The following TDRD7 variants were observed in gnomAD, a reference collection of about 807,000 sequenced individuals.
The protein encoded by TDRD7 is tudor domain containing 7.
Under a neutral mutation model 109.8 loss-of-function variants are expected in TDRD7, and 47 were observed. The ratio of observed to expected loss-of-function variants is 0.43; its 90% confidence interval spans 0.34 to 0.55. TDRD7 has a LOEUF of 0.55. Ranked by LOEUF, TDRD7 falls within the 20% of genes least tolerant of loss-of-function variation. The pLI, the probability that TDRD7 is intolerant of heterozygous loss-of-function variation, is 0.03. For missense variants in TDRD7, 1,164 were observed against 1,319.2 expected (o/e 0.88, Z 1.82); for synonymous variants, 424 against 457.3 (o/e 0.93, Z 0.93).
At chr9:97,414,481 T>C (rs1827779650) in intron 1 of TDRD7, among the ~76,000 whole-genome samples, 1 of 152,224 alleles carries the variant, frequency 6.6e-6, no homozygotes, top group East Asian at 1.9e-4. Flanking sequence ...CCCACCTTTC[T>C]TATCTTCCTT....
intron 16 of TDRD7, among the ~76,000 whole-genome samples, chr9:97,494,894 A>G (rs941741736): frequency 1.3e-5 from 2 of 151,766 alleles, no homozygotes; most frequent in Non-Finnish European, 1.5e-5. Context: ...TATTTTTTGT[A>G]GAGACAGGGC....
chr9:97,456,884 C>G lies in TDRD7; in HGVS notation c.856-3294C>G, dbSNP rs557955342. ...GCTATCATCAGAGTGAACAGGCACC[C>G]TACAGAATGGGAGAAAATTTTTGCA... On this transcript the variant is annotated intron_variant, in intron 6 of 16. Coordinates refer to ENST00000355295, the MANE Select transcript of TDRD7 (RefSeq NM_014290.3). Among the ~76,000 whole-genome samples the G allele has an allele frequency of 9.9e-5, 15 of 152,230 alleles. 1 individual carries two copies. Among genetic ancestry groups the G allele is most frequent in the African/African-American group, 3.6e-4 (15 of 41,544 alleles).
intron 4 of TDRD7, among the ~76,000 whole-genome samples, 196 bp from the exon 5 acceptor site, chr9:97,439,049 C>G (rs1009022732): frequency 1.2e-4 from 18 of 152,062 alleles, no homozygotes; most frequent in African/African-American, 4.1e-4. Context: ...TTTTAACATA[C>G]TTTTCTCTGA....
intron 8 of TDRD7, among the ~76,000 whole-genome samples, chr9:97,468,116 A>G (rs761016378): frequency 6.6e-6 from 1 of 152,258 alleles, no homozygotes; most frequent in African/African-American, 2.4e-5. Flanking sequence ...TTTGGAGCTC[A>G]GGGAGCAGTT....
chr9:97,428,383 G>A (rs1470093911), intron 1 of TDRD7, 77 bp from the exon 2 acceptor site: 4 of 1,410,210 alleles, frequency 2.8e-6, no homozygotes, highest in Non-Finnish European at 4.0e-6. Flanking sequence ...AAAGTAACAA[G>A]TTTCAGCTCT....
At chr9:97,454,578 G>C (rs923574317) in intron 6 of TDRD7, among the ~76,000 whole-genome samples, 4 of 152,190 alleles carry the variant, frequency 2.6e-5, no homozygotes, top group African/African-American at 9.7e-5. Flanking sequence ...ACCTGCTCCT[G>C]AATGACTCCT....
At chr9:97,424,873 A>AT (rs887952335) in intron 1 of TDRD7, among the ~76,000 whole-genome samples, 12 of 149,928 alleles carry the variant, frequency 8.0e-5, no homozygotes, top group Admixed American at 1.3e-4. Flanking sequence ...TTCCTGTCTA[A>AT]TTTTTTTTAA....
chr9:97,436,963 T>C (rs1485828608), intron 4 of TDRD7, among the ~76,000 whole-genome samples: 8 of 152,194 alleles, frequency 5.3e-5, no homozygotes, highest in Admixed American at 5.2e-4. Flanking sequence ...TAATAAGTGC[T>C]AATAACCTTT....
At chr9:97,479,421 C>T (rs1829078005) in intron 13 of TDRD7, among the ~76,000 whole-genome samples, 1 of 152,170 alleles carries the variant, frequency 6.6e-6, no homozygotes, top group African/African-American at 2.4e-5. Context: ...GTTGGAACAG[C>T]CATGCAGGGC....
At chr9:97,455,475 C>T (rs1828588234) in intron 6 of TDRD7, among the ~76,000 whole-genome samples, 1 of 152,186 alleles carries the variant, frequency 6.6e-6, no homozygotes, top group African/African-American at 2.4e-5. Context: ...ACTTATCCAC[C>T]ATGATCAAGT....
chr9:97,475,571 A>G, intron 12 of TDRD7, 102 bp downstream of exon 12: 2 of 836,612 alleles, frequency 2.4e-6, no homozygotes, highest in Non-Finnish European at 4.0e-6. Flanking sequence ...TCACAGACTC[A>G]TCATCAGTTT....
chr9:97,440,102 TATG>T (rs1453484948), intron 5 of TDRD7, among the ~76,000 whole-genome samples: 5 of 152,208 alleles, frequency 3.3e-5, no homozygotes, highest in African/African-American at 1.2e-4. Context: ...AATTGAACAA[TATG>T]ATTTTTGTTT....
At chr9:97,427,246 C>CT (rs915232706) in intron 1 of TDRD7, among the ~76,000 whole-genome samples, 4 of 151,374 alleles carry the variant, frequency 2.6e-5, no homozygotes, top group Admixed American at 1.3e-4. Flanking sequence ...CTGAATTTGT[C>CT]TTTTTTTTTC....
intron 1 of TDRD7, among the ~76,000 whole-genome samples, chr9:97,413,229 C>T (rs754218373): frequency 3.3e-5 from 5 of 152,202 alleles, no homozygotes; most frequent in Non-Finnish European, 1.5e-5. Flanking sequence ...AAAACTTGGA[C>T]CCAAATCCCT....
intron 8 of TDRD7, among the ~76,000 whole-genome samples, chr9:97,466,334 G>A (rs186209917): frequency 2.6e-5 from 4 of 152,290 alleles, no homozygotes; most frequent in African/African-American, 9.6e-5. Flanking sequence ...TTTCCCATTT[G>A]CAGAGGCATT....
intron 6 of TDRD7, among the ~76,000 whole-genome samples, chr9:97,449,304 T>C (rs1828451420): frequency 6.6e-6 from 1 of 152,172 alleles, no homozygotes; most frequent in South Asian, 2.1e-4. Context: ...ACTGTCTACC[T>C]GGAGATAGCA....
At chr9:97,445,844 G>T (rs1828391003) in intron 6 of TDRD7, among the ~76,000 whole-genome samples, 1 of 152,094 alleles carries the variant, frequency 6.6e-6, no homozygotes, top group Non-Finnish European at 1.5e-5. Flanking sequence ...TACAAATCTT[G>T]GTCAGGCACA....
intron 6 of TDRD7, among the ~76,000 whole-genome samples, chr9:97,455,249 A>T (rs746795637): frequency 7.0e-4 from 106 of 152,306 alleles, no homozygotes; most frequent in Non-Finnish European, 1.3e-3. Flanking sequence ...CCAGAAATAC[A>T]AGAGGAACTG....
At chr9:97,493,728 G>A (rs1279099623) in intron 16 of TDRD7, among the ~76,000 whole-genome samples, 8 of 151,950 alleles carry the variant, frequency 5.3e-5, no homozygotes, top group Admixed American at 2.0e-4. Flanking sequence ...AAAGACGGCC[G>A]CACCCGAAGC....
Sources: allele counts gnomAD v4.1 joint callset (sites outside exome capture counted in the v4.1 genomes callset), GRCh38; gene constraint gnomAD v4.1.1; transcripts MANE v1.5; gene names NCBI Gene and HGNC (gene_info 2026-07-23, HGNC 2026-07-21).